VEPH1: variants seen among roughly 807,000 people sequenced by gnomAD.
VEPH1 encodes ventricular zone-expressed PH domain-containing protein homolog 1.
A neutral mutation model predicts 85.2 loss-of-function variants in VEPH1; 80 were observed. The observed-to-expected ratio is 0.94, with a 90% CI of 0.78 to 1.13. The LOEUF (loss-of-function observed/expected upper bound fraction) is 1.13, where lower values mean the gene tolerates loss of function less well. VEPH1 is among the 50% of genes most tolerant of loss of function. The probability of loss-of-function intolerance (pLI) is 0.00; values close to 1 mark genes in which losing one functional copy is unlikely to be tolerated. For missense variants in VEPH1, 955 were observed against 980.5 expected (o/e 0.97, Z 0.35); for synonymous variants, 297 against 348.0 (o/e 0.85, Z 1.63).
intron 12 of VEPH1, among the ~76,000 whole-genome samples, chr3:157,269,302 T>A (rs1314576054): frequency 6.6e-6 from 1 of 152,104 alleles, no homozygotes; most frequent in African/African-American, 2.4e-5. Context: ...GATGAGACAG[T>A]CAAGACCAAA....
intron 1 of VEPH1, among the ~76,000 whole-genome samples, chr3:157,497,160 GCTA>G (rs2109769827): frequency 6.6e-6 from 1 of 152,248 alleles, no homozygotes; most frequent in South Asian, 2.1e-4. Context: ...AAAATGTGAG[GCTA>G]CTGTTAGGAG....
intron 7 of VEPH1, 131 bp downstream of exon 7, chr3:157,381,025 T>C: frequency 3.4e-6 from 3 of 874,008 alleles, no homozygotes; most frequent in Non-Finnish European, 5.4e-6. Flanking sequence ...GTGCCATAAT[T>C]TATACAGATA....
intron 6 of VEPH1, among the ~76,000 whole-genome samples, chr3:157,396,930 A>C (rs934703836): frequency 6.6e-6 from 1 of 152,150 alleles, no homozygotes; most frequent in African/African-American, 2.4e-5. Flanking sequence ...TGCTGTGCAG[A>C]AGCTCTTTAA....
At chr3:157,279,990 T>C (rs1459592050) in intron 12 of VEPH1, among the ~76,000 whole-genome samples, 1 of 128,262 alleles carries the variant, frequency 7.8e-6, no homozygotes, top group African/African-American at 3.0e-5. Flanking sequence ...CACTCCAGCC[T>C]GGCGACAGAG....
intron 9 of VEPH1, among the ~76,000 whole-genome samples, chr3:157,341,493 C>G (rs1723555405): frequency 6.6e-6 from 1 of 152,056 alleles, no homozygotes; most frequent in Non-Finnish European, 1.5e-5. Flanking sequence ...TAAAAAGAAA[C>G]AAACAAAGCC....
At chr3:157,491,808 T>G (rs1739235334) in intron 2 of VEPH1, among the ~76,000 whole-genome samples, 1 of 152,200 alleles carries the variant, frequency 6.6e-6, no homozygotes, top group South Asian at 2.1e-4. Context: ...ACTTATCTAA[T>G]TACAAGTCTT....
intron 13 of VEPH1, among the ~76,000 whole-genome samples, chr3:157,262,843 G>A (rs7430655): frequency 0.043 from 6,554 of 152,236 alleles, 167 homozygotes; most frequent in South Asian, 0.11. Flanking sequence ...ATACACACTA[G>A]ACAATACTTT....
chr3:157,496,879 G>T (rs1477769788), intron 1 of VEPH1, among the ~76,000 whole-genome samples: 1 of 152,108 alleles, frequency 6.6e-6, no homozygotes, highest in African/African-American at 2.4e-5. Flanking sequence ...TGCAATTTTT[G>T]TACTATCTAC....
chr3:157,352,112 C>A (rs1008755461), intron 9 of VEPH1, among the ~76,000 whole-genome samples: 1 of 152,220 alleles, frequency 6.6e-6, no homozygotes, highest in Non-Finnish European at 1.5e-5. Flanking sequence ...TTCCCCTACT[C>A]CCACCAGCAC....
chr3:157,433,376 GT>G (rs1560057152), intron 4 of VEPH1, among the ~76,000 whole-genome samples: 1 of 151,944 alleles, frequency 6.6e-6, no homozygotes, highest in Non-Finnish European at 1.5e-5. Context: ...TGGTATTTAT[GT>G]TTTTTTCAGT....
chr3:157,403,466 G>T (rs1280077513), intron 6 of VEPH1, among the ~76,000 whole-genome samples: 1 of 151,680 alleles, frequency 6.6e-6, no homozygotes, highest in Non-Finnish European at 1.5e-5. Context: ...TTATTTTATT[G>T]TGATACTGGA....
chr3:157,428,594 C>G, intron 4 of VEPH1, 106 bp from the exon 5 acceptor site: 1 of 1,051,310 alleles, frequency 9.5e-7, no homozygotes, highest in South Asian at 1.6e-5. Context: ...TTAAATAGCA[C>G]AGACTGATGG....
chr3:157,437,978 C>A, intron 4 of VEPH1: 1 of 1,495,178 alleles, frequency 6.7e-7, no homozygotes, highest in Admixed American at 2.4e-5. Context: ...CGCGTAACGG[C>A]AAGCCAAGCC....
At chr3:157,388,754 A>AAC (rs1729558329) in intron 6 of VEPH1, among the ~76,000 whole-genome samples, 1 of 152,208 alleles carries the variant, frequency 6.6e-6, no homozygotes, top group Non-Finnish European at 1.5e-5. Context: ...AACACAGAAT[A>AAC]ACAACTATTT....
intron 5 of VEPH1, among the ~76,000 whole-genome samples, chr3:157,419,282 T>C (rs571925319): frequency 2.6e-5 from 4 of 152,290 alleles, no homozygotes; most frequent in African/African-American, 9.6e-5. Flanking sequence ...CAAAGATTCA[T>C]GATGAAAACA....
At position 157,303,650 on chromosome 3, in the gene VEPH1, C is replaced by A. The variant is rs190349407; in HGVS notation, c.2010+9971G>T. The stretch of plus-strand genomic sequence containing the variant: ...ATTTGCCTCTGCATCCACATTCCAC[C>A]TTCAATCTGCCCTCCAGGTCCTTCC... On this transcript the variant is annotated intron_variant, in intron 11 of 13. Coordinates refer to ENST00000362010, the MANE Select transcript of VEPH1 (RefSeq NM_001167912.2). 2.4e-4 allele frequency among the ~76,000 whole-genome samples: 36 copies of A among 152,296 alleles called. 1 individual carries two copies. Among genetic ancestry groups the A allele is most frequent in the Admixed American group, 2.0e-3 (31 of 15,296 alleles).
chr3:157,498,776 T>C (rs559845828), intron 1 of VEPH1, among the ~76,000 whole-genome samples: 4 of 152,324 alleles, frequency 2.6e-5, no homozygotes, highest in African/African-American at 9.6e-5. Flanking sequence ...CTTTTTGCAA[T>C]AGCAGGGAAG....
At chr3:157,442,912 G>T (rs138818541) in intron 4 of VEPH1, 3 of 1,613,954 alleles carry the variant, frequency 1.9e-6, no homozygotes, top group South Asian at 1.1e-5. Context: ...TGTCACATCC[G>T]GGGGAATATT....
chr3:157,267,294 G>A (rs1206777152), intron 12 of VEPH1, among the ~76,000 whole-genome samples: 1 of 150,648 alleles, frequency 6.6e-6, no homozygotes. Context: ...ACAGGGTTTT[G>A]CCATGTTGGC....
Sources: gnomAD v4.1 joint callset for allele counts (sites outside exome capture counted in the v4.1 genomes callset) on GRCh38, gnomAD v4.1.1 for gene constraint, MANE v1.5 for transcripts, NCBI Gene and HGNC (gene_info 2026-07-23, HGNC 2026-07-21) for gene names.